Variants in DZIP1 observed in about 807,000 individuals in gnomAD.
DZIP1 encodes the protein DAZ interacting zinc finger protein 1.
DZIP1 carries 97 observed loss-of-function variants against 107.6 expected under a neutral mutation model. The ratio of observed to expected loss-of-function variants is 0.90; its 90% confidence interval spans 0.77 to 1.07. The LOEUF is 1.07. Ranked by LOEUF, DZIP1 falls within the 50% of genes least tolerant of loss-of-function variation. The pLI is 0.00. For missense variants in DZIP1, 1,035 were observed against 1,063.6 expected, an observed-to-expected ratio of 0.97 and a Z score of 0.37; for synonymous variants, 390 against 386.4, an observed-to-expected ratio of 1.01 and a Z score of -0.11.
intron 16 of DZIP1, among the ~76,000 whole-genome samples, chr13:95,592,884 G>A (rs2044349822): frequency 6.6e-6 from 1 of 152,188 alleles, no homozygotes; most frequent in Admixed American, 6.5e-5. Flanking sequence ...CACAGTGTAT[G>A]ACTCCACTTT....
At chr13:95,585,059 A>C (rs1020874971) in intron 21 of DZIP1, 149 bp from the exon 22 acceptor site, 11 of 576,180 alleles carry the variant, frequency 1.9e-5, no homozygotes, top group African/African-American at 1.9e-4. Context: ...TCATTTCTGC[A>C]GGGCAATGAA....
intron 7 of DZIP1, among the ~76,000 whole-genome samples, chr13:95,626,215 G>A (rs1327927132): frequency 2.0e-5 from 3 of 151,932 alleles, no homozygotes; most frequent in South Asian, 2.1e-4. Context: ...CTCAAAGGCA[G>A]CAGAAAGAAA....
At chr13:95,606,562 T>C (rs1490292499) in intron 13 of DZIP1, among the ~76,000 whole-genome samples, 1 of 152,276 alleles carries the variant, frequency 6.6e-6, no homozygotes, top group African/African-American at 2.4e-5. Flanking sequence ...GTAGCATGTA[T>C]ATAAATATCA....
rs1335851214 is a variant in DZIP1 at position 95,587,569 on chromosome 13, C to T, written c.2188G>A (p.Glu730Lys). The T allele has an allele frequency of 1.9e-6, 3 of 1,614,044 alleles. No individual in the cohort carries two copies. Among genetic ancestry groups the T allele is most frequent in the South Asian group, 1.1e-5 (1 of 91,070 alleles). ...DADGTEGSEI[E>K]DTDDSPKPAG... The stretch of plus-strand genomic sequence containing the variant: ...GGCTTGGGAGAATCATCAGTGTCCT[C>T]GATTTCGCTTCCCTCGGTCCCGTCC... The change falls in exon 20 of 23, where the codon GAG becomes AAG. Residue 730 changes from glutamate to lysine, a missense_variant. Transcript: ENST00000376829.
rs1430741974 is a variant in DZIP1 at position 95,587,520 on chromosome 13, T to C, written c.2218+19A>G. 11 of 1,611,918 alleles carry C rather than the reference T, an allele frequency of 6.8e-6. No homozygotes were observed. Among genetic ancestry groups the C allele is most frequent in the African/African-American group, 1.3e-5 (1 of 74,896 alleles). On this transcript the variant is annotated intron_variant, in intron 20 of 22. Coordinates refer to ENST00000376829, the MANE Select transcript of DZIP1 (RefSeq NM_198968.4). ...TCCTAAATACAGTTTCCAGAGAGTT[T>C]TCCAAGGTAACAGCTCACCTGCGGG... is the stretch of plus-strand genomic sequence containing the variant.
intron 14 of DZIP1, 22 bp downstream of exon 14, chr13:95,605,981 T>C (rs753201329): frequency 4.3e-6 from 7 of 1,612,884 alleles, no homozygotes; most frequent in Non-Finnish European, 5.9e-6. Flanking sequence ...CATAAAACGC[T>C]GAGACTATTA....
At chr13:95,626,043 G>A (rs1594722578) in intron 7 of DZIP1, among the ~76,000 whole-genome samples, 2 of 152,036 alleles carry the variant, frequency 1.3e-5, no homozygotes, top group East Asian at 3.9e-4. Flanking sequence ...GAGGTGGGAG[G>A]ACCACTTGGA....
At position 95,641,228 on chromosome 13, in the gene DZIP1, C is replaced by T; in HGVS notation, c.597+67G>A. ...AAGAAGAAAGAGTGGTGATACGGGA[C>T]AGGCCTATCAAATGGGAACTGAGTT... is the stretch of plus-strand genomic sequence containing the variant. On this transcript the variant is annotated intron_variant, in intron 5 of 22. Transcript: ENST00000376829. The surrounding 1 kb of genome is among the most constrained non-coding windows in gnomAD (Gnocchi z 4.3). 3.3e-6 allele frequency: 5 copies of T among 1,512,412 alleles called. No homozygotes were observed. Among genetic ancestry groups the T allele is most frequent in the Non-Finnish European group, 4.4e-6 (5 of 1,126,974 alleles). The allele number at this position is 1,512,412 out of a possible 1,614,324, so 93.7% of individuals were successfully genotyped here. A position where few individuals can be genotyped will look rare whatever the true frequency, so the allele number is the denominator to read the frequency against.
chr13:95,586,276 TG>T (rs2044158910), intron 20 of DZIP1, 140 bp from the exon 21 acceptor site: 2 of 683,846 alleles, frequency 2.9e-6, no homozygotes, highest in South Asian at 5.5e-5. Flanking sequence ...AATCAGTTGA[TG>T]TACTTTGGGG....
At chr13:95,617,095 G>A (rs544738320) in intron 10 of DZIP1, among the ~76,000 whole-genome samples, 1 of 151,910 alleles carries the variant, frequency 6.6e-6, no homozygotes, top group Admixed American at 6.6e-5. Flanking sequence ...CCAGCTACTC[G>A]GGAGGCTAAG....
At chr13:95,622,255 C>G in intron 9 of DZIP1, 88 bp downstream of exon 9, 1 of 1,550,240 alleles carries the variant, frequency 6.5e-7, no homozygotes, top group Non-Finnish European at 8.8e-7. Flanking sequence ...AAAAGACAAA[C>G]ACTTTTTCTG....
chr13:95,586,934 C>T lies in DZIP1; in HGVS notation c.2218+605G>A, dbSNP rs12871482. ...AGCACAGTGTATTAGAACAGCCATT[C>T]TCATAGTCACCCAGTGTCCTGGGTT... On this transcript the variant is annotated intron_variant, in intron 20 of 22. Coordinates refer to ENST00000376829, the MANE Select transcript of DZIP1 (RefSeq NM_198968.4). Among the ~76,000 whole-genome samples the T allele has an allele frequency of 7.2e-3, 1,098 of 152,282 alleles. 6 individuals carry two copies. Among genetic ancestry groups the T allele is most frequent in the Non-Finnish European group, 0.012 (801 of 68,020 alleles).
In DZIP1 at chr13:95,641,578, T is replaced by C. The variant is rs1051028827; in HGVS notation, c.314A>G (p.Lys105Arg). The change falls in exon 5 of 23, where the codon AAG (lysine) becomes AGG (arginine). Residue 105 changes from lysine (K) to arginine (R), a missense_variant. Coordinates refer to ENST00000376829, the MANE Select transcript of DZIP1 (RefSeq NM_198968.4). This position sits in a 1 kb window ranked among gnomAD's most constrained non-coding sequence, Gnocchi z 4.3. ...NITFCKLEDE[K>R]CPHCQSGVDP... ...CACCCCCGACTGGCAGTGTGGGCAC[T>C]TCTCGTCTTCCAGCTTGCAGAAGGT... The C allele has an allele frequency of 1.2e-6, 2 of 1,613,562 alleles. No homozygotes were observed. Among genetic ancestry groups the C allele is most frequent in the African/African-American group, 2.7e-5 (2 of 74,944 alleles).
chr13:95,632,835 T>C (rs1031569441), intron 6 of DZIP1, among the ~76,000 whole-genome samples: 3 of 152,206 alleles, frequency 2.0e-5, no homozygotes, highest in Non-Finnish European at 4.4e-5. Flanking sequence ...TCAGTGTTCC[T>C]TGGCCTGTGA....
rs2139512793 is a variant in DZIP1 at position 95,642,186 on chromosome 13, C to T, written c.-157G>A. ...ACGTTGCTATAGCAGCGCCCAGGTC[C>T]GGACCTGGAGCAAAGGGCGCGTCTG... On this transcript the variant is annotated 5_prime_UTR_variant, in exon 4 of 23. Transcript: ENST00000376829. The T allele has an allele frequency of 1.0e-6, 1 of 1,002,492 alleles. No homozygotes were observed. Among genetic ancestry groups the T allele is most frequent in the African/African-American group, 1.7e-5 (1 of 58,032 alleles). 62.1% of individuals were successfully genotyped at this position (1,002,492 alleles called of 1,614,324 possible).
At position 95,630,042 on chromosome 13, in the gene DZIP1, T is replaced by G. The variant is rs1388168360; in HGVS notation, c.757A>C (p.Thr253Pro). Reference protein sequence around the residue: ...IVVLKEELQLTRSELEAAHHA... With the variant: ...IVVLKEELQLPRSELEAAHHA... ...TGTGCAGCCTCTAGCTCAGACCTGG[T>G]GAGCTGCAGCTCTTCCTTCAATACG... The change falls in exon 7 of 23, where the codon ACC becomes CCC. Residue 253 changes from threonine (T) to proline (P), a missense_variant. By Grantham distance (38) the Thr-to-Pro change is conservative. Coordinates refer to ENST00000376829, the MANE Select transcript of DZIP1 (RefSeq NM_198968.4). 1 of 1,613,828 alleles carries G rather than the reference T, an allele frequency of 6.2e-7. No homozygotes were observed. Among genetic ancestry groups the G allele is most frequent in the Non-Finnish European group, 8.5e-7 (1 of 1,179,894 alleles).
chr13:95,635,477 G>A (rs750126591), intron 5 of DZIP1, among the ~76,000 whole-genome samples: 2 of 152,124 alleles, frequency 1.3e-5, no homozygotes, highest in Non-Finnish European at 2.9e-5. Context: ...AATTACAGGT[G>A]TAACCCACGG....
At position 95,582,258 on chromosome 13, in the gene DZIP1, A is replaced by T. The variant is rs2044027421; in HGVS notation, c.2580T>A (p.Asp860Glu). Residue 860 changes from aspartate to glutamate, a missense_variant, in exon 23 of 23, where the codon GAT (aspartate) becomes GAA (glutamate). Coordinates refer to ENST00000376829, the MANE Select transcript of DZIP1 (RefSeq NM_198968.4). ...TLKSSLVTVTDWSDTSDV is the reference protein window; with the variant it reads ...TLKSSLVTVTEWSDTSDV ...ATTAGACATCTGAAGTGTCGCTCCA[A>T]TCAGTCACAGTTACTAAGCTGCTTT... is the stretch of plus-strand genomic sequence containing the variant. 6.2e-7 allele frequency: 1 copy of T among 1,614,062 alleles called. No individual in the cohort carries two copies. The highest frequency in any genetic ancestry group is 8.5e-7 in the Non-Finnish European group (1 of 1,180,016).
chr13:95,599,357 T>C lies in DZIP1; in HGVS notation c.1537+8A>G. On this transcript the variant is annotated splice_region_variant and intron_variant, in intron 15 of 22. Coordinates refer to ENST00000376829, the MANE Select transcript of DZIP1 (RefSeq NM_198968.4). ...TGTGCAGGTAAACCTGATCAAGCCC[T>C]TTGTTACCTTTTTCTTCCTCTGAAA... The C allele has an allele frequency of 6.2e-7, 1 of 1,612,758 alleles. No homozygotes were observed. Among genetic ancestry groups the C allele is most frequent in the Non-Finnish European group, 8.5e-7 (1 of 1,178,850 alleles).
Sources: allele counts gnomAD v4.1 joint callset (sites outside exome capture counted in the v4.1 genomes callset), GRCh38; gene constraint gnomAD v4.1.1; non-coding constraint Gnocchi (gnomAD v3.1); transcripts MANE v1.5; gene names NCBI Gene and HGNC (gene_info 2026-07-23, HGNC 2026-07-21).